The following RTF2 variants were observed in gnomAD, a reference collection of about 807,000 sequenced individuals.
RTF2 encodes the protein UPF0549 protein C20orf43.
Under a neutral mutation model 38.0 loss-of-function variants are expected in RTF2, and 18 were observed. The ratio of observed to expected loss-of-function variants is 0.47; its 90% CI spans 0.33 to 0.70. The LOEUF (loss-of-function observed/expected upper bound fraction) is 0.70. RTF2 is among the 30% of genes least tolerant of loss of function. The pLI is 0.02. For missense variants in RTF2, 311 were observed against 379.6 expected (o/e 0.82, Z 1.50); for synonymous variants, 126 against 137.1 (o/e 0.92, Z 0.57).
chr20:56,497,915 C>T (rs1194485990), intron 5 of RTF2, among the ~76,000 whole-genome samples: 1 of 152,194 alleles, frequency 6.6e-6, no homozygotes, highest in African/African-American at 2.4e-5. Context: ...AAGAAACTGC[C>T]AAACTGTTTT....
At chr20:56,492,785 AG>A (rs1474362573) in intron 5 of RTF2, among the ~76,000 whole-genome samples, 1 of 152,028 alleles carries the variant, frequency 6.6e-6, no homozygotes, top group Non-Finnish European at 1.5e-5. Flanking sequence ...TATGTGTGAG[AG>A]GGAAGGAGGT....
Position 56,474,791 on chromosome 20 carries a change from A to G in RTF2, c.258+20A>G. On this transcript the variant is annotated intron_variant, in intron 3 of 8. Transcript: ENST00000357348. ...ATTAAGGTAACACGAGTGATTCTGA[A>G]GTGCTGTGAGGGTCTGAACAGTGGC... is the stretch of plus-strand genomic sequence containing the variant. The G allele has an allele frequency of 2.0e-6, 3 of 1,481,850 alleles. No homozygotes were observed. The highest frequency in any genetic ancestry group is 2.3e-5 in the East Asian group (1 of 44,198). 91.8% of individuals were successfully genotyped at this position (1,481,850 alleles called of 1,614,324 possible).
chr20:56,502,925 G>T (rs996593984), intron 5 of RTF2, among the ~76,000 whole-genome samples: 1 of 152,194 alleles, frequency 6.6e-6, no homozygotes, highest in African/African-American at 2.4e-5. Context: ...GCTCCTGAGT[G>T]TCCATTTTCT....
At chr20:56,501,542 G>A (rs1038692287) in intron 5 of RTF2, among the ~76,000 whole-genome samples, 1 of 152,142 alleles carries the variant, frequency 6.6e-6, no homozygotes, top group African/African-American at 2.4e-5. Context: ...TGTGTATTAT[G>A]TATGGAGTAG....
intron 2 of RTF2, 70 bp downstream of exon 2, chr20:56,473,465 T>C: frequency 8.8e-7 from 1 of 1,140,274 alleles, no homozygotes; most frequent in Non-Finnish European, 1.3e-6. Context: ...GTAAATGCAG[T>C]TTTCCATTCA....
At position 56,474,752 on chromosome 20, in the gene RTF2, C is replaced by G; in HGVS notation, c.239C>G (p.Ser80Cys). ...SAEKALGKAA[S>C]HIKSIKNVTE... is the part of the protein sequence containing the mutation. ...GAAAAGGCTCTTGGGAAGGCAGCAT[C>G]TCACATTAAAAGCATTAAGGTAACA... The change falls in exon 3 of 9, where the codon TCT (serine) becomes TGT (cysteine). Residue 80 changes from serine to cysteine, a missense_variant. Ser to Cys is a moderately radical substitution (Grantham distance 112). Transcript: ENST00000357348. 1.9e-6 allele frequency: 3 copies of G among 1,608,512 alleles called. No individual in the cohort carries two copies. The South Asian group carries it at 3.3e-5, about 18-fold the overall frequency.
At chr20:56,517,369 A>G (rs1184230634) in intron 8 of RTF2, among the ~76,000 whole-genome samples, 168 bp downstream of exon 8, 2 of 152,098 alleles carry the variant, frequency 1.3e-5, no homozygotes, top group Non-Finnish European at 2.9e-5. Flanking sequence ...GAAATATTGA[A>G]CACACCCTCA....
chr20:56,491,797 C>G (rs1282666678), intron 5 of RTF2: 4 of 1,538,122 alleles, frequency 2.6e-6, no homozygotes, highest in Non-Finnish European at 3.5e-6. Context: ...CAGAAAGAAA[C>G]ACAAAAACCT....
At chr20:56,497,510 T>C in intron 5 of RTF2, 4 of 1,470,980 alleles carry the variant, frequency 2.7e-6, no homozygotes, top group Non-Finnish European at 3.6e-6. Flanking sequence ...GTTCTTCTTC[T>C]GATTCTGCAG....
chr20:56,485,621 G>T (rs1361947409), intron 5 of RTF2, among the ~76,000 whole-genome samples: 1 of 152,200 alleles, frequency 6.6e-6, no homozygotes, highest in Non-Finnish European at 1.5e-5. Flanking sequence ...GTTATGTCCA[G>T]TTTGGGGTGA....
intron 3 of RTF2, among the ~76,000 whole-genome samples, chr20:56,475,438 C>G (rs1030136965): frequency 1.3e-5 from 2 of 152,064 alleles, no homozygotes; most frequent in African/African-American, 4.8e-5. Flanking sequence ...TTCTTTCTTT[C>G]GTATTATTAG....
chr20:56,475,595 A>G (rs1004653624), intron 3 of RTF2, among the ~76,000 whole-genome samples: 2 of 152,216 alleles, frequency 1.3e-5, no homozygotes, highest in African/African-American at 4.8e-5. Flanking sequence ...TTATTCCTGA[A>G]AAACCTGTGG....
intron 4 of RTF2, among the ~76,000 whole-genome samples, chr20:56,483,445 C>A (rs920273778): frequency 3.9e-5 from 6 of 152,036 alleles, no homozygotes; most frequent in African/African-American, 1.4e-4. Context: ...ACCTCAGCCT[C>A]CCTAGTAGCT....
chr20:56,476,210 T>C (rs1032067192), intron 3 of RTF2, among the ~76,000 whole-genome samples: 4 of 152,228 alleles, frequency 2.6e-5, no homozygotes, highest in Non-Finnish European at 5.9e-5. Context: ...CGTTAGACCG[T>C]GGCCTCAGAT....
intron 5 of RTF2, among the ~76,000 whole-genome samples, chr20:56,512,844 A>G (rs565964750): frequency 5.9e-5 from 9 of 152,292 alleles, no homozygotes; most frequent in African/African-American, 1.9e-4. Flanking sequence ...TCCCCCCGCA[A>G]CGAAACTGCA....
chr20:56,491,267 A>G (rs1199060689), intron 5 of RTF2, among the ~76,000 whole-genome samples: 1 of 152,150 alleles, frequency 6.6e-6, no homozygotes, highest in Non-Finnish European at 1.5e-5. Context: ...GCCTGGATCC[A>G]GGTGTTTGGA....
chr20:56,493,125 G>A (rs944063470), intron 5 of RTF2, among the ~76,000 whole-genome samples: 9 of 152,036 alleles, frequency 5.9e-5, no homozygotes, highest in African/African-American at 1.2e-4. Flanking sequence ...GCAGTGAGCC[G>A]AGATTGCACC....
intron 4 of RTF2, among the ~76,000 whole-genome samples, chr20:56,477,488 A>T (rs1024153586): frequency 6.6e-6 from 1 of 152,112 alleles, no homozygotes; most frequent in Admixed American, 6.5e-5. Context: ...CTATCAAGCA[A>T]ATCCCATTTC....
chr20:56,482,937 C>A (rs187610155), intron 4 of RTF2, among the ~76,000 whole-genome samples: 3 of 152,202 alleles, frequency 2.0e-5, no homozygotes, highest in Non-Finnish European at 4.4e-5. Context: ...GAAATCGACA[C>A]GTATTCTTCC....
Sources: gnomAD v4.1 joint callset for allele counts (sites outside exome capture counted in the v4.1 genomes callset) on GRCh38, gnomAD v4.1.1 for gene constraint, MANE v1.5 for transcripts, NCBI Gene and HGNC (gene_info 2026-07-23, HGNC 2026-07-21) for gene names.